The following CRAMP1 variants were observed in gnomAD, a reference collection of about 807,000 sequenced individuals.
The protein encoded by CRAMP1 is protein cramped-like.
CRAMP1 carries 50 observed loss-of-function variants against 115.4 expected under a neutral mutation model. The observed-to-expected ratio is 0.43, with a 90% confidence interval of 0.35 to 0.55. CRAMP1 has a LOEUF of 0.55. CRAMP1 is among the 20% of genes least tolerant of loss of function. CRAMP1 has a pLI of 0.01. For synonymous variants in CRAMP1, 866 were observed against 745.4 expected (o/e 1.16, Z -2.64); for missense variants, 1,679 against 1,721.7 (o/e 0.98, Z 0.44).
rs145059038 is a variant in CRAMP1 at position 1,630,753 on chromosome 16, CA to C, written c.541-1457del. Reference sequence around the variant, plus strand: ...CATGTTTTTTTGTCGTTGATGACCTCAACACTTGTGGAGACTCACAGCATGT... The same window carrying C: ...CATGTTTTTTTGTCGTTGATGACCTCACACTTGTGGAGACTCACAGCATGT... On this transcript the variant is annotated intron_variant, in intron 3 of 20. Coordinates refer to ENST00000397412, the MANE Select transcript of CRAMP1 (RefSeq NM_020825.4). Among the ~76,000 whole-genome samples the C allele has an allele frequency of 5.8e-4, 89 of 152,330 alleles. 1 individual carries two copies. Among genetic ancestry groups the C allele is most frequent in the African/African-American group, 2.1e-3 (88 of 41,582 alleles).
chr16:1,638,992 G>A (rs1346216112), intron 5 of CRAMP1, among the ~76,000 whole-genome samples: 1 of 151,902 alleles, frequency 6.6e-6, no homozygotes, highest in Non-Finnish European at 1.5e-5. Context: ...CGTGGGCCTC[G>A]TGTCCCAGCT....
chr16:1,622,681 C>T (rs1009199145), intron 2 of CRAMP1, among the ~76,000 whole-genome samples: 13 of 151,992 alleles, frequency 8.6e-5, no homozygotes, highest in Non-Finnish European at 1.8e-4. Context: ...CTCATGGACT[C>T]AAGCAGTCTT....
At chr16:1,629,051 AG>A (rs2036528332) in intron 3 of CRAMP1, among the ~76,000 whole-genome samples, 1 of 152,178 alleles carries the variant, frequency 6.6e-6, no homozygotes. Flanking sequence ...TTTCTGTGGC[AG>A]GTCTGCACAG....
intron 3 of CRAMP1, among the ~76,000 whole-genome samples, chr16:1,630,861 A>G (rs2036543739): frequency 6.6e-6 from 1 of 152,250 alleles, no homozygotes; most frequent in Non-Finnish European, 1.5e-5. Flanking sequence ...TCTGTCAAGA[A>G]TTCCACAGCA....
chr16:1,656,819 C>G lies in CRAMP1; in HGVS notation c.2062C>G (p.Leu688Val). 1.9e-6 allele frequency: 3 copies of G among 1,549,752 alleles called. No homozygotes were observed. The highest frequency in any genetic ancestry group is 2.4e-5 in the East Asian group (1 of 40,896). Reference protein sequence around the residue: ...WNLQTSESLTLAEVYLMMGKP... With the variant: ...WNLQTSESLTVAEVYLMMGKP... ...CCTGCAGACCTCCGAAAGCCTCACG[C>G]TGGCCGAAGTCTACCTCATGATGGG... Residue 688 changes from leucine (L) to valine (V), a missense_variant, in exon 10 of 21, where the codon CTG becomes GTG. Leu to Val is a conservative substitution (Grantham distance 32). Transcript: ENST00000397412. The surrounding 1 kb of genome is among the most constrained non-coding windows in gnomAD (Gnocchi z 5.6).
intron 4 of CRAMP1, among the ~76,000 whole-genome samples, chr16:1,633,466 C>T (rs987192556): frequency 2.6e-5 from 4 of 152,228 alleles, no homozygotes; most frequent in African/African-American, 9.6e-5. Flanking sequence ...GCCGCCGATG[C>T]GGTTTTGTTT....
intron 2 of CRAMP1, among the ~76,000 whole-genome samples, chr16:1,615,913 G>A (rs1279375670): frequency 5.9e-5 from 9 of 152,182 alleles, no homozygotes; most frequent in African/African-American, 1.9e-4. Flanking sequence ...TACATTTAGT[G>A]AATGGTCCTG....
chr16:1,634,036 AAAAG>A lies in CRAMP1; in HGVS notation c.694+1680_694+1683del, dbSNP rs1177319507. 1.4e-4 allele frequency among the ~76,000 whole-genome samples: 21 copies of A among 152,282 alleles called. No individual in the cohort carries two copies. In the East Asian group the frequency reaches 2.9e-3, roughly 21 times the overall value. Reference sequence around the variant, plus strand: ...AGCAAGACTCCGTCTCAAAAAAAAAAAAAGAAAGAAAGTCAGTCCATGAGAGCAG... The same window carrying A: ...AGCAAGACTCCGTCTCAAAAAAAAAAAAAGAAAGTCAGTCCATGAGAGCAG... On this transcript the variant is annotated intron_variant, in intron 4 of 20. Coordinates refer to ENST00000397412, the MANE Select transcript of CRAMP1 (RefSeq NM_020825.4).
chr16:1,625,707 T>G, intron 2 of CRAMP1: 8 of 357,124 alleles, frequency 2.2e-5, no homozygotes, highest in East Asian at 1.1e-4. Flanking sequence ...TGCAGCGTCA[T>G]TGTGCTGTTA....
Position 1,626,088 on chromosome 16 carries a change from A to G in CRAMP1, c.462A>G (p.Glu154=). 1 of 1,551,366 alleles carries G rather than the reference A, an allele frequency of 6.4e-7. No homozygotes were observed. Among genetic ancestry groups the G allele is most frequent in the Non-Finnish European group, 8.7e-7 (1 of 1,146,814 alleles). Residue 154 remains glutamate, a synonymous_variant, in exon 3 of 21, where the codon GAA becomes GAG. Coordinates refer to ENST00000397412, the MANE Select transcript of CRAMP1 (RefSeq NM_020825.4). ...RNLGSSGGEK[E]EGKKVRRQWE... ...TAGGGTCTTCTGGTGGCGAGAAGGA[A>G]GAAGGCAAAAAGGTCCGGCGGCAGT...
At chr16:1,667,001 C>T (rs2036881847) in intron 16 of CRAMP1, among the ~76,000 whole-genome samples, 1 of 152,228 alleles carries the variant, frequency 6.6e-6, no homozygotes, top group East Asian at 1.9e-4. Context: ...GTTTCTCTGG[C>T]CTCCCACGGC....
chr16:1,648,629 C>G (rs2036696646), intron 6 of CRAMP1, among the ~76,000 whole-genome samples: 1 of 151,780 alleles, frequency 6.6e-6, no homozygotes, highest in Non-Finnish European at 1.5e-5. Flanking sequence ...AGAATTGACT[C>G]CATGCTTAAT....
chr16:1,612,779 C>T (rs566680429), intron 1 of CRAMP1, among the ~76,000 whole-genome samples, 122 bp downstream of exon 1: 6 of 152,176 alleles, frequency 3.9e-5, no homozygotes, highest in African/African-American at 1.4e-4. Flanking sequence ...CACAACTGGC[C>T]TCAGGGCGAG....
chr16:1,642,621 C>G (rs1364621417), intron 6 of CRAMP1, among the ~76,000 whole-genome samples: 1 of 152,234 alleles, frequency 6.6e-6, no homozygotes, highest in Non-Finnish European at 1.5e-5. Flanking sequence ...CTGGCTTATC[C>G]TGAGCAGCAC....
At chr16:1,629,261 C>T (rs567801021) in intron 3 of CRAMP1, among the ~76,000 whole-genome samples, 10 of 150,466 alleles carry the variant, frequency 6.6e-5, no homozygotes, top group Admixed American at 6.6e-4. Context: ...TTCTCTGTCC[C>T]CACCTAGGCC....
intron 6 of CRAMP1, among the ~76,000 whole-genome samples, chr16:1,650,631 T>G (rs1317954570): frequency 6.6e-6 from 1 of 152,348 alleles, no homozygotes; most frequent in Admixed American, 6.5e-5. Context: ...CAGGTACAAA[T>G]ATAGATACAT....
At chr16:1,621,306 G>T (rs1429580276) in intron 2 of CRAMP1, among the ~76,000 whole-genome samples, 1 of 152,258 alleles carries the variant, frequency 6.6e-6, no homozygotes, top group Non-Finnish European at 1.5e-5. Context: ...CAGCAGCTGG[G>T]AGGGTGCGCT....
rs1177339443 is a variant in CRAMP1 at position 1,656,727 on chromosome 16, C to G, written c.1970C>G (p.Ala657Gly). 3.2e-6 allele frequency: 5 copies of G among 1,551,482 alleles called. No homozygotes were observed. The Admixed American group carries it at 9.8e-5, about 30-fold the overall frequency. ...CCTCCGCCGTCTCAGGGACAGCCTG[C>G]CGCCAGGCCCCCGAAGGAGGTCCCC... ...AGPPPSQGQPAARPPKEVPAS... is the reference protein window; with the variant it reads ...AGPPPSQGQPGARPPKEVPAS... The change falls in exon 10 of 21, where the codon GCC becomes GGC. Residue 657 changes from alanine to glycine, a missense_variant. Around this residue, in one of 8 missense-constraint regions of CRAMP1, gnomAD observed 405 missense variants for 302.6 expected, o/e 1.34. Coordinates refer to ENST00000397412, the MANE Select transcript of CRAMP1 (RefSeq NM_020825.4). The surrounding 1 kb of genome is among the most constrained non-coding windows in gnomAD (Gnocchi z 5.6).
At chr16:1,613,947 G>A (rs2036389958) in intron 1 of CRAMP1, among the ~76,000 whole-genome samples, 1 of 152,296 alleles carries the variant, frequency 6.6e-6, no homozygotes, top group East Asian at 1.9e-4. Flanking sequence ...AAAATAAGCA[G>A]GCGGGCCGGC....
Sources: allele counts gnomAD v4.1 joint callset (sites outside exome capture counted in the v4.1 genomes callset), GRCh38; gene constraint gnomAD v4.1.1; regional missense constraint gnomAD v4.1.1; non-coding constraint Gnocchi (gnomAD v3.1); transcripts MANE v1.5; gene names NCBI Gene and HGNC (gene_info 2026-07-23, HGNC 2026-07-21).